Variants in PTPRK observed in about 807,000 individuals in gnomAD.
The protein encoded by PTPRK is protein tyrosine phosphatase receptor type K, also known as receptor-type tyrosine-protein phosphatase kappa.
Under a neutral mutation model 178.0 loss-of-function variants are expected in PTPRK, and 75 were observed. The ratio of observed to expected loss-of-function variants is 0.42; its 90% CI spans 0.35 to 0.51. PTPRK has a LOEUF of 0.51. Ranked by LOEUF, PTPRK falls within the 20% of genes least tolerant of loss-of-function variation. The pLI is 0.02. For synonymous variants in PTPRK, 637 were observed against 620.6 expected, an observed-to-expected ratio of 1.03 and a Z score of -0.39; for missense variants, 1,441 against 1,797.8, an observed-to-expected ratio of 0.80 and a Z score of 3.59.
chr6:128,203,880 A>G (rs778670149), intron 6 of PTPRK, among the ~76,000 whole-genome samples: 13 of 152,218 alleles, frequency 8.5e-5, no homozygotes, highest in Non-Finnish European at 1.8e-4. Context: ...TAGCATTCCC[A>G]TTAGACTACT....
intron 2 of PTPRK, among the ~76,000 whole-genome samples, chr6:128,325,323 TG>T (rs1387088556): frequency 6.6e-6 from 1 of 151,922 alleles, no homozygotes; most frequent in Non-Finnish European, 1.5e-5. Flanking sequence ...AATTGACAAA[TG>T]GGATCTAATT....
At chr6:128,304,893 A>T (rs1272202476) in intron 3 of PTPRK, among the ~76,000 whole-genome samples, 1 of 152,192 alleles carries the variant, frequency 6.6e-6, no homozygotes, top group Non-Finnish European at 1.5e-5. Context: ...GAAACAAGGC[A>T]CTCTAACTCA....
intron 1 of PTPRK, among the ~76,000 whole-genome samples, chr6:128,501,791 G>A (rs1165767510): frequency 6.6e-6 from 1 of 152,104 alleles, no homozygotes; most frequent in East Asian, 1.9e-4. Flanking sequence ...AAAAGTAACT[G>A]ATAATTCAGT....
intron 2 of PTPRK, among the ~76,000 whole-genome samples, chr6:128,359,203 C>A (rs1231984739): frequency 6.6e-6 from 1 of 151,334 alleles, no homozygotes; most frequent in Non-Finnish European, 1.5e-5. Flanking sequence ...GTAATCCCAG[C>A]ACTTTGGGAT....
intron 1 of PTPRK, among the ~76,000 whole-genome samples, chr6:128,498,918 G>T (rs9491972): frequency 0.07 from 10,610 of 152,126 alleles, 745 homozygotes; most frequent in African/African-American, 0.18. Context: ...CTTTGTTGTT[G>T]TTAAGTCTTG....
intron 7 of PTPRK, among the ~76,000 whole-genome samples, chr6:128,134,928 G>T (rs1794788189): frequency 1.3e-5 from 2 of 152,022 alleles, no homozygotes; most frequent in Admixed American, 1.3e-4. Flanking sequence ...AAAGACAAAG[G>T]TCCCTAGTAG....
chr6:128,067,318 G>A (rs1471640951), intron 12 of PTPRK, among the ~76,000 whole-genome samples: 1 of 152,140 alleles, frequency 6.6e-6, no homozygotes, highest in Non-Finnish European at 1.5e-5. Flanking sequence ...TAGGAAACAG[G>A]AACCCTGTGA....
intron 7 of PTPRK, among the ~76,000 whole-genome samples, chr6:128,134,172 A>C (rs1317851827): frequency 6.6e-6 from 1 of 152,220 alleles, no homozygotes; most frequent in Admixed American, 6.5e-5. Flanking sequence ...ATATAATACA[A>C]AACAAACATA....
At chr6:128,188,531 A>G (rs911322903) in intron 6 of PTPRK, among the ~76,000 whole-genome samples, 3 of 152,178 alleles carry the variant, frequency 2.0e-5, no homozygotes, top group East Asian at 3.8e-4. Flanking sequence ...TTATTTGTCA[A>G]TGGGGCCTTG....
chr6:128,069,419 T>C (rs535775498), intron 11 of PTPRK, among the ~76,000 whole-genome samples: 7 of 152,274 alleles, frequency 4.6e-5, no homozygotes, highest in African/African-American at 1.7e-4. Context: ...GAGGCATCCA[T>C]GGAGCAGGCA....
chr6:128,047,221 A>G (rs1034368917), intron 13 of PTPRK, among the ~76,000 whole-genome samples: 1 of 152,164 alleles, frequency 6.6e-6, no homozygotes, highest in African/African-American at 2.4e-5. Context: ...ATATTGGAAT[A>G]CATGTTTAAA....
intron 7 of PTPRK, among the ~76,000 whole-genome samples, chr6:128,158,966 A>G (rs1489773117): frequency 6.6e-6 from 1 of 151,888 alleles, no homozygotes; most frequent in Non-Finnish European, 1.5e-5. Context: ...CCTCCTCAAG[A>G]CTAATACAGA....
chr6:128,371,313 G>C (rs534621162), intron 2 of PTPRK, among the ~76,000 whole-genome samples: 3 of 152,054 alleles, frequency 2.0e-5, no homozygotes, highest in Non-Finnish European at 2.9e-5. Flanking sequence ...TCAATCAAAT[G>C]AAACAACACT....
At position 128,218,921 on chromosome 6, in the gene PTPRK, C is replaced by A; in HGVS notation, c.868+1G>T. 1.2e-6 allele frequency: 2 copies of A among 1,600,568 alleles called. No individual in the cohort carries two copies. Among genetic ancestry groups the A allele is most frequent in the Non-Finnish European group, 8.5e-7 (1 of 1,172,124 alleles). On this transcript the variant is annotated splice_donor_variant, in intron 6 of 29. Coordinates refer to ENST00000368226, the MANE Select transcript of PTPRK (RefSeq NM_002844.4). LOFTEE classifies it high-confidence loss of function. ...GTGAAGTGAAAACAATTTCACCTTA[C>A]CTCTCACAATAAGTTGAGCAAAATT... is the stretch of plus-strand genomic sequence containing the variant.
intron 6 of PTPRK, among the ~76,000 whole-genome samples, chr6:128,187,750 A>C (rs1330490387): frequency 6.6e-6 from 1 of 152,164 alleles, no homozygotes; most frequent in Non-Finnish European, 1.5e-5. Context: ...GCAATTGCTC[A>C]AATTTGGAAA....
rs74776823 is a variant in PTPRK, at chr6:128,429,102, G to A, written c.101-31414C>T. ...TGCACATTTGTTAAGAAAATGTAAGGCCTTAAATCCAAGTGATGCTACTAG... is the reference window on the plus strand; with the variant it reads ...TGCACATTTGTTAAGAAAATGTAAGACCTTAAATCCAAGTGATGCTACTAG... On this transcript the variant is annotated intron_variant, in intron 1 of 29. Transcript: ENST00000368226. Among the ~76,000 whole-genome samples, 14 of 152,210 alleles carry A rather than the reference G, an allele frequency of 9.2e-5. No homozygotes were observed. In the East Asian group the frequency reaches 2.5e-3, roughly 27 times the overall value.
intron 1 of PTPRK, among the ~76,000 whole-genome samples, chr6:128,425,131 G>T (rs1843969761): frequency 6.7e-6 from 1 of 149,682 alleles, no homozygotes; most frequent in Non-Finnish European, 1.5e-5. Context: ...AGGCTGGAGT[G>T]CAGTGGCGTG....
chr6:128,465,408 T>C lies in PTPRK; in HGVS notation c.100+54851A>G, dbSNP rs182723606. On this transcript the variant is annotated intron_variant, in intron 1 of 29. Transcript: ENST00000368226. ...GCTCAATTTCAAACAATTTAATCTG[T>C]GGAAAGACAATTCTTATTATAAAAT... Among the ~76,000 whole-genome samples, 140 of 152,294 alleles carry C rather than the reference T, an allele frequency of 9.2e-4. 1 individual carries two copies. The highest frequency in any genetic ancestry group is 3.3e-3 in the African/African-American group (136 of 41,570).
chr6:128,439,750 A>T (rs1253924493), intron 1 of PTPRK, among the ~76,000 whole-genome samples: 1 of 152,212 alleles, frequency 6.6e-6, no homozygotes, highest in African/African-American at 2.4e-5. Context: ...ACTTCTAAAC[A>T]TCTGAATGGT....
Sources: gnomAD v4.1 joint callset for allele counts (sites outside exome capture counted in the v4.1 genomes callset) on GRCh38, gnomAD v4.1.1 for gene constraint, MANE v1.5 for transcripts, NCBI Gene and HGNC (gene_info 2026-07-23, HGNC 2026-07-21) for gene names.